Variants in LAMB3 observed in about 807,000 individuals in gnomAD.
The protein encoded by LAMB3 is laminin subunit beta 3, also known as laminin subunit beta-3.
Under a neutral mutation model 140.3 loss-of-function variants are expected in LAMB3, and 104 were observed. The ratio of observed to expected loss-of-function variants is 0.74; its 90% confidence interval spans 0.63 to 0.87. LAMB3 has a LOEUF of 0.87. Among genes scored for constraint, LAMB3 ranks in the 40% least tolerant of loss-of-function variants. The probability of loss-of-function intolerance (pLI) is 0.00; values close to 1 mark genes in which losing one functional copy is unlikely to be tolerated. For synonymous variants in LAMB3, 592 were observed against 602.9 expected (o/e 0.98, Z 0.26); for missense variants, 1,531 against 1,575.2 (o/e 0.97, Z 0.47).
At chr1:209,645,211 C>T (rs972658968) in intron 3 of LAMB3, among the ~76,000 whole-genome samples, 1 of 152,154 alleles carries the variant, frequency 6.6e-6, no homozygotes. Context: ...TTTTGGGTCT[C>T]GTGGGTCCCT....
At chr1:209,628,344 A>G (rs1666554285) in intron 10 of LAMB3, among the ~76,000 whole-genome samples, 154 bp from the exon 11 acceptor site, 1 of 152,226 alleles carries the variant, frequency 6.6e-6, no homozygotes, top group South Asian at 2.1e-4. Context: ...CTGTGCCTCA[A>G]TTTCCTTGTC....
intron 3 of LAMB3, among the ~76,000 whole-genome samples, chr1:209,640,190 T>C (rs2076455540): frequency 6.6e-6 from 1 of 152,200 alleles, no homozygotes; most frequent in African/African-American, 2.4e-5. Flanking sequence ...AAAAATGCTT[T>C]ATTAAACATT....
chr1:209,624,125 A>G, intron 14 of LAMB3, 125 bp from the exon 15 acceptor site: 1 of 786,528 alleles, frequency 1.3e-6, no homozygotes, highest in Non-Finnish European at 2.0e-6. Context: ...AGGCAACAGA[A>G]CAGAGAATCC....
At chr1:209,626,816 C>T (rs776671408) in intron 13 of LAMB3, 51 bp downstream of exon 13, 13 of 1,384,382 alleles carry the variant, frequency 9.4e-6, no homozygotes, top group South Asian at 4.7e-5. Context: ...TGTGCCCACC[C>T]GCGTGCTCGG....
In LAMB3 at chr1:209,642,231, T is replaced by G. The variant is rs139830017; in HGVS notation, c.184-3583A>C. 4.8e-3 allele frequency among the ~76,000 whole-genome samples: 732 copies of G among 152,302 alleles called. 5 individuals carry two copies. Among genetic ancestry groups the G allele is most frequent in the African/African-American group, 0.016 (681 of 41,582 alleles). On this transcript the variant is annotated intron_variant, in intron 3 of 22. Transcript: ENST00000356082. ...ATACACTTGCATATACATTATAATC[T>G]CAAATATATGTGTGTGTGTGAATAT...
intron 3 of LAMB3, among the ~76,000 whole-genome samples, chr1:209,643,485 C>T (rs2076489134): frequency 6.6e-6 from 1 of 152,216 alleles, no homozygotes. Context: ...AAGGCTAGGC[C>T]TTCTCCCTTA....
intron 18 of LAMB3, 23 bp from the exon 19 acceptor site, chr1:209,618,682 C>G: frequency 6.2e-7 from 1 of 1,609,840 alleles, no homozygotes; most frequent in Non-Finnish European, 8.5e-7. Flanking sequence ...ACGCATTTGA[C>G]TGTAGGAGCC....
rs1666246372 is a variant in LAMB3 at position 209,622,671 on chromosome 1, C to A, written c.2566G>T (p.Ala856Ser). 6.2e-7 allele frequency: 1 copy of A among 1,614,034 alleles called. No individual in the cohort carries two copies. Among genetic ancestry groups the A allele is most frequent in the African/African-American group, 1.3e-5 (1 of 74,920 alleles). ...TGAATCTGTGAGGCAGATTCCTCGG[C>A]TGCCCTAATCTGTTGACATACACTC... is the stretch of plus-strand genomic sequence containing the variant. ...LQRTRQMIRAAEESASQIQSS... is the reference protein window; with the variant it reads ...LQRTRQMIRASEESASQIQSS... The change falls in exon 18 of 23, where the codon GCC becomes TCC. Residue 856 changes from alanine to serine, a missense_variant. By Grantham distance (99) the Ala-to-Ser change is moderately conservative. Coordinates refer to ENST00000356082, the MANE Select transcript of LAMB3 (RefSeq NM_000228.3).
chr1:209,629,710 C>T, intron 10 of LAMB3, 27 bp downstream of exon 10: 1 of 1,610,484 alleles, frequency 6.2e-7, no homozygotes, highest in Non-Finnish European at 8.5e-7. Context: ...ACAAATGACA[C>T]TCTGGGACTC....
chr1:209,638,663 G>A lies in LAMB3; in HGVS notation c.184-15C>T, dbSNP rs2076429527. The A allele has an allele frequency of 1.3e-6, 2 of 1,550,646 alleles. No individual in the cohort carries two copies. The highest frequency in any genetic ancestry group is 1.8e-6 in the Non-Finnish European group (2 of 1,122,336). On this transcript the variant is annotated splice_polypyrimidine_tract_variant and intron_variant, in intron 3 of 22. Coordinates refer to ENST00000356082, the MANE Select transcript of LAMB3 (RefSeq NM_000228.3). ...TTCATCTGCCACTGTGGGAGAGGGA[G>A]ATAGCAGACACTCAGAGGTGGGGTC...
intron 3 of LAMB3, among the ~76,000 whole-genome samples, chr1:209,648,331 C>A (rs2076535261): frequency 1.3e-5 from 2 of 152,178 alleles, no homozygotes; most frequent in South Asian, 4.1e-4. Context: ...CAAGGTCACA[C>A]CTCAAGTCAG....
chr1:209,616,942 A>C (rs1423874738), intron 21 of LAMB3, among the ~76,000 whole-genome samples: 1 of 152,248 alleles, frequency 6.6e-6, no homozygotes, highest in African/African-American at 2.4e-5. Context: ...GCCAGGATTG[A>C]AAGTGCCAAT....
chr1:209,626,795 C>G, intron 13 of LAMB3, 72 bp downstream of exon 13: 6 of 1,080,536 alleles, frequency 5.6e-6, no homozygotes, highest in Non-Finnish European at 8.5e-6. Context: ...CAGACCTACA[C>G]GCCCCCACCA....
chr1:209,625,410 C>T (rs1490254100), intron 14 of LAMB3, among the ~76,000 whole-genome samples: 1 of 152,196 alleles, frequency 6.6e-6, no homozygotes, highest in Admixed American at 6.5e-5. Flanking sequence ...TGTTCTGAGG[C>T]CCAGCTCTGC....
At position 209,629,802 on chromosome 1, in the gene LAMB3, T is replaced by C; in HGVS notation, c.1067A>G (p.Glu356Gly). The C allele has an allele frequency of 1.9e-6, 3 of 1,613,984 alleles. No homozygotes were observed. Among genetic ancestry groups the C allele is most frequent in the Non-Finnish European group, 2.5e-6 (3 of 1,180,038 alleles). The change falls in exon 10 of 23, where the codon GAG becomes GGG. Residue 356 changes from glutamate to glycine, a missense_variant. Transcript: ENST00000356082. Reference protein sequence around the residue: ...CRDHTEGKNCERCQLHYFRNR... With the variant: ...CRDHTEGKNCGRCQLHYFRNR... ...CCGGAAATAGTGCAGCTGACACCGCTCACAGTTCTTGCCTTCGGTGTGGTC... is the reference window on the plus strand; with the variant it reads ...CCGGAAATAGTGCAGCTGACACCGCCCACAGTTCTTGCCTTCGGTGTGGTC...
intron 8 of LAMB3, among the ~76,000 whole-genome samples, chr1:209,631,733 A>G (rs1437486920): frequency 2.6e-5 from 4 of 152,298 alleles, no homozygotes; most frequent in Admixed American, 2.6e-4. Flanking sequence ...CTTGGGTTCT[A>G]GGAGTATGTC....
intron 3 of LAMB3, among the ~76,000 whole-genome samples, chr1:209,642,607 T>C (rs767998813): frequency 2.0e-5 from 3 of 152,076 alleles, no homozygotes; most frequent in Non-Finnish European, 4.4e-5. Context: ...GCCTCCCGAG[T>C]AGCTAGGATT....
At chr1:209,634,861 G>A (rs1051726482) in intron 5 of LAMB3, among the ~76,000 whole-genome samples, 9 of 151,654 alleles carry the variant, frequency 5.9e-5, no homozygotes, top group Non-Finnish European at 2.9e-5. Context: ...AGCTCACCAG[G>A]CTTCCAGGAT....
rs564762300 is a variant in LAMB3 at position 209,626,710 on chromosome 1, G to C, written c.1597+157C>G. Among the ~76,000 whole-genome samples the C allele has an allele frequency of 3.9e-5, 6 of 152,332 alleles. No homozygotes were observed. In the East Asian group the frequency reaches 1.2e-3, roughly 29 times the overall value. On this transcript the variant is annotated intron_variant, in intron 13 of 22. Transcript: ENST00000356082. ...CAGGGGCTTGGAGGCCATGCCAACA[G>C]GCCGGAGTGTGTGCACTCACAGGGC... is the stretch of plus-strand genomic sequence containing the variant.
Sources: gnomAD v4.1 joint callset for allele counts (sites outside exome capture counted in the v4.1 genomes callset) on GRCh38, gnomAD v4.1.1 for gene constraint, MANE v1.5 for transcripts, NCBI Gene and HGNC (gene_info 2026-07-23, HGNC 2026-07-21) for gene names.